The following CAST variants were observed in gnomAD, a reference collection of about 807,000 sequenced individuals.
CAST encodes MIR583 host.
CAST carries 76 observed loss-of-function variants against 119.6 expected under a neutral mutation model. The ratio of observed to expected loss-of-function variants is 0.64; its 90% CI spans 0.53 to 0.77. The LOEUF (loss-of-function observed/expected upper bound fraction) is 0.77. Ranked by LOEUF, CAST falls within the 30% of genes least tolerant of loss-of-function variation. The pLI is 0.00. For missense variants in CAST, 953 were observed against 946.5 expected (o/e 1.01, Z -0.09); for synonymous variants, 319 against 331.6 (o/e 0.96, Z 0.41).
the CAST span, chr5:95,973,090 C>A: frequency 6.5e-6 from 1 of 154,802 alleles, no homozygotes; most frequent in South Asian, 2.0e-4. Flanking sequence ...GTTCAGGATG[C>A]GGTCCACCAT....
the CAST span, among the ~76,000 whole-genome samples, chr5:95,987,190 T>C: frequency 6.6e-6 from 1 of 152,170 alleles, no homozygotes; most frequent in East Asian, 1.9e-4. Flanking sequence ...GTCTCAGCTC[T>C]AATACAAACA....
the CAST span, among the ~76,000 whole-genome samples, chr5:96,142,032 CA>C: frequency 6.6e-6 from 1 of 152,172 alleles, no homozygotes; most frequent in Non-Finnish European, 1.5e-5. Flanking sequence ...GGAGAATCCC[CA>C]GAAAGAACAA....
the CAST span, among the ~76,000 whole-genome samples, chr5:96,229,968 G>A: frequency 6.6e-6 from 1 of 152,144 alleles, no homozygotes; most frequent in Non-Finnish European, 1.5e-5. Flanking sequence ...CTGTTTATCA[G>A]TGACCTTTGT....
At chr5:96,390,037 T>C in the CAST span, among the ~76,000 whole-genome samples, 1 of 152,220 alleles carries the variant, frequency 6.6e-6, no homozygotes, top group Non-Finnish European at 1.5e-5. Flanking sequence ...TAAGTCCTAT[T>C]TGGTGAAATG....
chr5:96,601,700 T>A (rs261216), intron 1 of CAST, among the ~76,000 whole-genome samples: 57,914 of 151,756 alleles, frequency 0.38, 12,032 homozygotes, highest in Admixed American at 0.46. Context: ...TTTGTACATT[T>A]CCTTTGTGCA....
At chr5:96,510,209 A>C in the CAST span, among the ~76,000 whole-genome samples, 1 of 152,200 alleles carries the variant, frequency 6.6e-6, no homozygotes, top group African/African-American at 2.4e-5. Context: ...GGTGCTGCTG[A>C]TGAGTCTTGC....
the CAST span, among the ~76,000 whole-genome samples, chr5:96,180,224 C>G: frequency 6.6e-6 from 1 of 152,262 alleles, no homozygotes; most frequent in East Asian, 1.9e-4. Context: ...TAATCTTATA[C>G]ACTTACATTT....
chr5:96,604,889 G>A (rs998722420), intron 1 of CAST, among the ~76,000 whole-genome samples: 2 of 152,230 alleles, frequency 1.3e-5, no homozygotes, highest in African/African-American at 4.8e-5. Flanking sequence ...GAAGACTAGA[G>A]GAAGGAGTAT....
At chr5:96,469,850 T>C in the CAST span, among the ~76,000 whole-genome samples, 1 of 129,912 alleles carries the variant, frequency 7.7e-6, no homozygotes, top group African/African-American at 3.1e-5. Flanking sequence ...GAGAGAAATA[T>C]ATATATATGT....
chr5:96,771,767 T>A, intron 31 of CAST, 65 bp downstream of exon 31: 1 of 994,134 alleles, frequency 1.0e-6, no homozygotes, highest in East Asian at 2.4e-5. Flanking sequence ...GTGTTATAGA[T>A]GAGAGAAGTG....
At chr5:96,662,820 A>G (rs1748742160) in intron 1 of CAST, among the ~76,000 whole-genome samples, 1 of 152,094 alleles carries the variant, frequency 6.6e-6, no homozygotes, top group South Asian at 2.1e-4. Flanking sequence ...AGGACCCCCG[A>G]GTGAGTGGGG....
rs6880828 is a variant in CAST, at chr5:96,700,931, A to T, written c.210+5024A>T. On this transcript the variant is annotated intron_variant, in intron 3 of 31. Coordinates refer to ENST00000675179, the MANE Select transcript of CAST (RefSeq NM_001750.7). ...ACAGCAGAAGAATCTTGCGAAAAAA[A>T]TTTTTTTTTTTTTTTGAGACAGGGT... Among the ~76,000 whole-genome samples, 1,013 of 145,060 alleles carry T rather than the reference A, an allele frequency of 7.0e-3. 5 individuals are homozygous for T. Among genetic ancestry groups the T allele is most frequent in the African/African-American group, 0.012 (490 of 39,770 alleles).
the CAST span, among the ~76,000 whole-genome samples, chr5:96,147,052 C>A: frequency 6.6e-6 from 1 of 152,196 alleles, no homozygotes; most frequent in Non-Finnish European, 1.5e-5. Context: ...CCTGTCTCTA[C>A]CACAGTACCA....
At chr5:95,996,805 G>A in the CAST span, among the ~76,000 whole-genome samples, 1 of 152,050 alleles carries the variant, frequency 6.6e-6, no homozygotes, top group Non-Finnish European at 1.5e-5. Flanking sequence ...TGATTTGGAT[G>A]CACATGGTCC....
the CAST span, among the ~76,000 whole-genome samples, chr5:96,031,795 A>G: frequency 2.6e-5 from 4 of 152,104 alleles, no homozygotes; most frequent in Admixed American, 2.6e-4. Flanking sequence ...TTACTACAAC[A>G]ATTAGTGGCT....
the CAST span, among the ~76,000 whole-genome samples, chr5:96,127,652 G>T: frequency 2.0e-5 from 3 of 151,564 alleles, no homozygotes; most frequent in Non-Finnish European, 4.4e-5. Flanking sequence ...CTCTTTTTTT[G>T]TTCCCAATTT....
chr5:96,007,564 A>G, the CAST span, among the ~76,000 whole-genome samples: 2 of 152,148 alleles, frequency 1.3e-5, no homozygotes, highest in Non-Finnish European at 2.9e-5. Flanking sequence ...AGATGAGGTT[A>G]TGAGGGTGGG....
chr5:96,227,114 G>T, the CAST span, among the ~76,000 whole-genome samples: 4 of 152,136 alleles, frequency 2.6e-5, no homozygotes, highest in African/African-American at 9.7e-5. Context: ...AGAACACACA[G>T]TTTATTCAGA....
the CAST span, among the ~76,000 whole-genome samples, chr5:96,259,253 TG>T: frequency 6.6e-6 from 1 of 152,204 alleles, no homozygotes; most frequent in East Asian, 1.9e-4. Context: ...TCTGCTTTTC[TG>T]GGAATTCTGA....
Sources: gnomAD v4.1 joint callset for allele counts (sites outside exome capture counted in the v4.1 genomes callset) on GRCh38, gnomAD v4.1.1 for gene constraint, MANE v1.5 for transcripts, NCBI Gene and HGNC (gene_info 2026-07-23, HGNC 2026-07-21) for gene names.